The following TAFA5 variants were observed in gnomAD, a reference collection of about 807,000 sequenced individuals.
TAFA5 encodes the protein TAFA chemokine like family member 5.
TAFA5 carries 6 observed loss-of-function variants against 15.3 expected under a neutral mutation model. The ratio of observed to expected loss-of-function variants is 0.39; its 90% CI spans 0.21 to 0.77. TAFA5 has a LOEUF of 0.77. TAFA5 is among the 30% of genes least tolerant of loss of function. TAFA5 has a pLI of 0.41. For synonymous variants in TAFA5, 103 were observed against 80.7 expected (o/e 1.28, Z -1.48); for missense variants, 161 against 193.1 (o/e 0.83, Z 0.98).
chr22:48,539,891 G>A (rs879442034), intron 1 of TAFA5, among the ~76,000 whole-genome samples: 5 of 150,902 alleles, frequency 3.3e-5, no homozygotes, highest in Non-Finnish European at 7.4e-5. Context: ...TGCTGAAGGG[G>A]GCAGGGGTAC....
At chr22:48,600,029 G>A (rs1380028576) in intron 1 of TAFA5, among the ~76,000 whole-genome samples, 1 of 152,186 alleles carries the variant, frequency 6.6e-6, no homozygotes, top group Non-Finnish European at 1.5e-5. Context: ...CCTGGGCTGG[G>A]CTGGTCTTGT....
rs191546037 is a variant in TAFA5 at position 48,750,255 on chromosome 22, C to G, written c.*408C>G. ...CCCAGGGGACTGTCAGGCACAGAAG[C>G]GGCCTCCTCCCGTGCCCCAGACTGT... On this transcript the variant is annotated 3_prime_UTR_variant, in exon 4 of 4. Coordinates refer to ENST00000402357, the MANE Select transcript of TAFA5 (RefSeq NM_001082967.3). 1 of 266,476 alleles carries G rather than the reference C, an allele frequency of 3.8e-6. No homozygotes were observed. Among genetic ancestry groups the G allele is most frequent in the South Asian group, 6.6e-5 (1 of 15,230 alleles). 16.5% of individuals were successfully genotyped at this position (266,476 alleles called of 1,614,324 possible).
rs79592508 is a variant in TAFA5, at chr22:48,693,518, G to A, written c.263-14199G>A. 2.5e-3 allele frequency: 3,702 copies of A among 1,497,228 alleles called. 66 individuals are homozygous for A. In the African/African-American group the frequency reaches 0.044, roughly 18 times the overall value. 92.7% of individuals were successfully genotyped at this position (1,497,228 alleles called of 1,614,324 possible). A position where few individuals can be genotyped will look rare whatever the true frequency, so the allele number is the denominator to read the frequency against. ...CCTGAGGTCCCAGAGGAGACCAGCA[G>A]GTGAGGCCCGCAGGAGGGGCGGCTG... On this transcript the variant is annotated intron_variant, in intron 2 of 3. Coordinates refer to ENST00000402357, the MANE Select transcript of TAFA5 (RefSeq NM_001082967.3).
chr22:48,613,912 T>G (rs28419753), intron 1 of TAFA5, among the ~76,000 whole-genome samples: 5 of 152,152 alleles, frequency 3.3e-5, no homozygotes, highest in African/African-American at 1.2e-4. Context: ...CTGGGTGCAG[T>G]CTGGAGATTG....
chr22:48,503,245 C>T (rs995345507), intron 1 of TAFA5, among the ~76,000 whole-genome samples: 1 of 152,164 alleles, frequency 6.6e-6, no homozygotes, highest in Admixed American at 6.5e-5. Flanking sequence ...GGAAGGACCT[C>T]GGGAGCATGG....
At chr22:48,506,939 G>A (rs376715920) in intron 1 of TAFA5, among the ~76,000 whole-genome samples, 2 of 152,344 alleles carry the variant, frequency 1.3e-5, no homozygotes, top group East Asian at 3.9e-4. Flanking sequence ...TTTGGAGCCT[G>A]CAGAAGGCAT....
At chr22:48,659,518 A>G (rs9617416) in intron 2 of TAFA5, among the ~76,000 whole-genome samples, 25,741 of 152,252 alleles carry the variant, frequency 0.17, 2,722 homozygotes, top group Non-Finnish European at 0.23. Context: ...TGGACGGTGG[A>G]TGTGGGTGGA....
chr22:48,573,507 T>G (rs1323081012), intron 1 of TAFA5, among the ~76,000 whole-genome samples: 3 of 151,866 alleles, frequency 2.0e-5, no homozygotes, highest in African/African-American at 7.3e-5. Context: ...CAGGGCCTCT[T>G]TGGTCTGCAC....
intron 1 of TAFA5, among the ~76,000 whole-genome samples, chr22:48,579,310 G>A (rs755415844): frequency 2.0e-5 from 3 of 152,220 alleles, no homozygotes; most frequent in Non-Finnish European, 2.9e-5. Flanking sequence ...AAGCAGGGCC[G>A]CAGCGTGGGG....
intron 2 of TAFA5, among the ~76,000 whole-genome samples, chr22:48,705,798 C>T (rs1354419265): frequency 2.0e-5 from 3 of 152,370 alleles, no homozygotes; most frequent in Admixed American, 6.5e-5. Context: ...TGTGCACACA[C>T]GTGCATTTGC....
intron 2 of TAFA5, among the ~76,000 whole-genome samples, chr22:48,681,302 G>A (rs7511071): frequency 0.15 from 22,647 of 151,990 alleles, 1,791 homozygotes; most frequent in South Asian, 0.28. Flanking sequence ...GTGAGGACAC[G>A]CACAGCTCAG....
chr22:48,703,894 G>A (rs926949244), intron 2 of TAFA5, among the ~76,000 whole-genome samples: 2 of 152,236 alleles, frequency 1.3e-5, no homozygotes, highest in Admixed American at 6.5e-5. Flanking sequence ...GCCAGAACTG[G>A]CCCGGGCAGA....
intron 3 of TAFA5, among the ~76,000 whole-genome samples, chr22:48,724,209 G>A (rs961963695): frequency 6.6e-6 from 1 of 152,242 alleles, no homozygotes; most frequent in East Asian, 1.9e-4. Flanking sequence ...CAGCAGGAGA[G>A]ACTCAGGGTA....
intron 1 of TAFA5, among the ~76,000 whole-genome samples, chr22:48,580,305 G>T (rs185159575): frequency 6.6e-6 from 1 of 152,326 alleles, no homozygotes; most frequent in East Asian, 1.9e-4. Context: ...ATGGCTCCGC[G>T]CAGTCATCAT....
At chr22:48,627,903 C>A (rs537163831) in intron 1 of TAFA5, among the ~76,000 whole-genome samples, 1 of 152,328 alleles carries the variant, frequency 6.6e-6, no homozygotes, top group South Asian at 2.1e-4. Flanking sequence ...CGGGGGGTTG[C>A]ATATTCTCCA....
Position 48,751,784 on chromosome 22 carries a change from T to C in TAFA5, c.*1937T>C, listed in dbSNP as rs1050968495. Reference sequence around the variant, plus strand: ...GTCCTCACGGCCTCCCCCTCGCCTGTTTCTTTTGAAAGCAAGTGTAGACAC... The same window carrying C: ...GTCCTCACGGCCTCCCCCTCGCCTGCTTCTTTTGAAAGCAAGTGTAGACAC... On this transcript the variant is annotated 3_prime_UTR_variant, in exon 4 of 4. Transcript: ENST00000402357. 6.6e-6 allele frequency: 1 copy of C among 152,496 alleles called. No individual in the cohort carries two copies. The highest frequency in any genetic ancestry group is 2.4e-5 in the African/African-American group (1 of 41,458). The allele number at this position is 152,496 out of a possible 1,614,324, so 9.4% of individuals were successfully genotyped here. A position where few individuals can be genotyped will look rare whatever the true frequency, so the allele number is the denominator to read the frequency against.
chr22:48,516,319 A>T (rs1921404746), intron 1 of TAFA5, among the ~76,000 whole-genome samples: 1 of 151,970 alleles, frequency 6.6e-6, no homozygotes, highest in Non-Finnish European at 1.5e-5. Flanking sequence ...CTTCCTGGTG[A>T]TCTCAGCACA....
At position 48,598,716 on chromosome 22, in the gene TAFA5, G is replaced by A. The variant is rs963721909; in HGVS notation, c.113-47881G>A. Among the ~76,000 whole-genome samples the A allele has an allele frequency of 4.0e-5, 6 of 151,754 alleles. No homozygotes were observed. The highest frequency in any genetic ancestry group is 2.0e-4 in the Admixed American group (3 of 15,238). ...ATTAAATTGTCCTCCAATTTAATTC[G>A]GTTCTCAGACTACTCCCCAGAGTTA... On this transcript the variant is annotated intron_variant, in intron 1 of 3. Transcript: ENST00000402357. The surrounding 1 kb of genome is among the most constrained non-coding windows in gnomAD (Gnocchi z 4.0).
intron 1 of TAFA5, among the ~76,000 whole-genome samples, chr22:48,508,655 C>T (rs1156791156): frequency 6.6e-6 from 1 of 152,190 alleles, no homozygotes; most frequent in Non-Finnish European, 1.5e-5. Flanking sequence ...AGTTGCCCCA[C>T]AGCTGATATT....
Sources: allele counts gnomAD v4.1 joint callset (sites outside exome capture counted in the v4.1 genomes callset), GRCh38; gene constraint gnomAD v4.1.1; non-coding constraint Gnocchi (gnomAD v3.1); transcripts MANE v1.5; gene names NCBI Gene and HGNC (gene_info 2026-07-23, HGNC 2026-07-21).